APBA2: variants seen among roughly 807,000 people sequenced by gnomAD.
APBA2 encodes the protein amyloid-beta A4 precursor protein-binding family A member 2.
A neutral mutation model predicts 75.0 loss-of-function variants in APBA2; 30 were observed. That is an observed-to-expected ratio of 0.40 (90% CI 0.30 to 0.54). APBA2 has a LOEUF of 0.54. Among genes scored for constraint, APBA2 ranks in the 20% least tolerant of loss-of-function variants. APBA2 has a pLI of 0.49. For missense variants in APBA2, 801 were observed against 1,016.1 expected (o/e 0.79, Z 2.88); for synonymous variants, 444 against 409.6 (o/e 1.08, Z -1.01).
chr15:29,042,088 G>A (rs12438284), intron 3 of APBA2, among the ~76,000 whole-genome samples: 56,724 of 151,994 alleles, frequency 0.37, 17,821 homozygotes, highest in African/African-American at 0.83. Flanking sequence ...ATGCGTCTCC[G>A]TTTGCTTGTG....
At chr15:28,969,176 C>CTTTCTTTG (rs2036923239) in intron 2 of APBA2, among the ~76,000 whole-genome samples, 2 of 110,060 alleles carry the variant, frequency 1.8e-5, no homozygotes, top group Non-Finnish European at 3.4e-5. Context: ...TTCTTTCTTT[C>CTTTCTTTG]TTTCTTTTTT....
At chr15:28,936,074 G>GAA in intron 2 of APBA2, among the ~76,000 whole-genome samples, 1 of 152,186 alleles carries the variant, frequency 6.6e-6, no homozygotes, top group Non-Finnish European at 1.5e-5. Flanking sequence ...TTTCTCCTGA[G>GAA]AGGTTTTCCA....
rs1172326917 is a variant in APBA2 at position 29,117,487 on chromosome 15, C to T, written c.*354C>T. On this transcript the variant is annotated 3_prime_UTR_variant, in exon 15 of 15. Transcript: ENST00000683413. ...GCTGTGCGGAGCGAACTGGCGCCTC[C>T]GAGGGACGCGGCTCCCGGGGCAGGG... is the stretch of plus-strand genomic sequence containing the variant. The T allele has an allele frequency of 6.3e-5, 19 of 301,866 alleles. No homozygotes were observed. Among genetic ancestry groups the T allele is most frequent in the Middle Eastern group, 1.1e-3 (1 of 904 alleles). The allele number at this position is 301,866 out of a possible 1,614,324, so 18.7% of individuals were successfully genotyped here. A position where few individuals can be genotyped will look rare whatever the true frequency, so the allele number is the denominator to read the frequency against.
At chr15:29,002,310 G>T (rs1168923856) in intron 3 of APBA2, among the ~76,000 whole-genome samples, 1 of 152,204 alleles carries the variant, frequency 6.6e-6, no homozygotes, top group Non-Finnish European at 1.5e-5. Flanking sequence ...CATAGCAGGG[G>T]TCTCCTGTAT....
At chr15:29,102,080 T>C in intron 10 of APBA2, 2 of 537,852 alleles carry the variant, frequency 3.7e-6, no homozygotes, top group Non-Finnish European at 6.7e-6. Context: ...CTACTAAAAA[T>C]GAAGTTAATC....
intron 2 of APBA2, among the ~76,000 whole-genome samples, chr15:28,947,200 C>T (rs749302271): frequency 6.6e-6 from 1 of 152,158 alleles, no homozygotes; most frequent in Admixed American, 6.5e-5. Context: ...GAATGATAAA[C>T]GCTGGGCCCT....
rs1389135837 is a variant in APBA2 at position 28,916,337 on chromosome 15, G to A, written c.-204-5303G>A. 1.7e-3 allele frequency among the ~76,000 whole-genome samples: 255 copies of A among 152,300 alleles called. 5 individuals are homozygous for A. In the Middle Eastern group the frequency reaches 0.02, roughly 12 times the overall value. ...TGCAGTCTACCCTTCCCCACAGGTC[G>A]TTTTGTCTCAGTGCCGACATCTCCC... On this transcript the variant is annotated intron_variant, in intron 1 of 14. Coordinates refer to ENST00000683413, the MANE Select transcript of APBA2 (RefSeq NM_001353788.2).
intron 1 of APBA2, among the ~76,000 whole-genome samples, chr15:28,886,491 G>T (rs144561483): frequency 0.51 from 73,701 of 145,370 alleles, 19,118 homozygotes; most frequent in African/African-American, 0.64. Flanking sequence ...CTGACCGGCC[G>T]CTTCCCCCTC....
At chr15:28,989,558 T>G (rs1230673750) in intron 2 of APBA2, among the ~76,000 whole-genome samples, 2 of 152,194 alleles carry the variant, frequency 1.3e-5, no homozygotes, top group Non-Finnish European at 2.9e-5. Flanking sequence ...TCACTCTGGC[T>G]CCCGGTCTCC....
intron 1 of APBA2, among the ~76,000 whole-genome samples, chr15:28,913,720 G>T (rs1019340907): frequency 1.3e-5 from 2 of 152,216 alleles, no homozygotes; most frequent in Non-Finnish European, 2.9e-5. Flanking sequence ...GGGTCTCACC[G>T]TCTTTAGAAC....
chr15:29,002,125 A>G (rs1400371856), intron 3 of APBA2, among the ~76,000 whole-genome samples: 1 of 152,232 alleles, frequency 6.6e-6, no homozygotes, highest in East Asian at 1.9e-4. Flanking sequence ...AAGTCCTGCA[A>G]GAAAAGGAAC....
At chr15:28,910,294 G>A (rs951446537) in intron 1 of APBA2, among the ~76,000 whole-genome samples, 1 of 152,198 alleles carries the variant, frequency 6.6e-6, no homozygotes. Flanking sequence ...CAGGGTTGGA[G>A]GTTTCTGTCC....
At chr15:29,076,351 C>T (rs1034169580) in intron 6 of APBA2, among the ~76,000 whole-genome samples, 4 of 151,964 alleles carry the variant, frequency 2.6e-5, no homozygotes, top group South Asian at 2.1e-4. Context: ...GCATCACAGA[C>T]GACACTGATG....
Position 29,054,904 on chromosome 15 carries a change from C to T in APBA2, c.951+69C>T. 3 of 1,458,424 alleles carry T rather than the reference C, an allele frequency of 2.1e-6. No homozygotes were observed. The highest frequency in any genetic ancestry group is 1.2e-5 in the South Asian group (1 of 83,724). 90.3% of individuals were successfully genotyped at this position (1,458,424 alleles called of 1,614,324 possible). A position where few individuals can be genotyped will look rare whatever the true frequency, so the allele number is the denominator to read the frequency against. The stretch of plus-strand genomic sequence containing the variant: ...GAGCAAGGGACCTCAGGGTACAGGC[C>T]TTGCAGATGCTGAAGCGAGGCGGTG... On this transcript the variant is annotated intron_variant, in intron 4 of 14. Coordinates refer to ENST00000683413, the MANE Select transcript of APBA2 (RefSeq NM_001353788.2). This position sits in a 1 kb window ranked among gnomAD's most constrained non-coding sequence, Gnocchi z 6.1.
intron 2 of APBA2, among the ~76,000 whole-genome samples, chr15:28,962,144 T>C (rs1346739608): frequency 6.6e-6 from 1 of 152,182 alleles, no homozygotes; most frequent in African/African-American, 2.4e-5. Flanking sequence ...GCAATCATTA[T>C]CCTCATTGAG....
At position 28,940,964 on chromosome 15, in the gene APBA2, A is replaced by C. The variant is rs2035189277; in HGVS notation, c.-95+19215A>C. On this transcript the variant is annotated intron_variant, in intron 2 of 14. Coordinates refer to ENST00000683413, the MANE Select transcript of APBA2 (RefSeq NM_001353788.2). ...TCACCTGATGAGGCCAGAGATGGAC[A>C]ATTTGAACATCAGTAAGAGTAAAAA... is the stretch of plus-strand genomic sequence containing the variant. Among the ~76,000 whole-genome samples the C allele has an allele frequency of 2.0e-5, 3 of 152,244 alleles. No individual in the cohort carries two copies. In the South Asian group the frequency reaches 6.2e-4, roughly 32 times the overall value.
At position 29,117,400 on chromosome 15, in the gene APBA2, A is replaced by ACAAG. The variant is rs2045257561; in HGVS notation, c.*269_*272dup. 6 of 538,520 alleles carry ACAAG rather than the reference A, an allele frequency of 1.1e-5. No individual in the cohort carries two copies. The highest frequency in any genetic ancestry group is 4.2e-5 in the South Asian group (2 of 47,610). The allele number at this position is 538,520 out of a possible 1,614,324, so 33.4% of individuals were successfully genotyped here. Reference sequence around the variant, plus strand: ...ACGTTCTGGACTGTCTTCTCCCTGCACAAGCCAGGGTGTGTCTCGGTAGCT... The same window carrying ACAAG: ...ACGTTCTGGACTGTCTTCTCCCTGCACAAGCAAGCCAGGGTGTGTCTCGGTAGCT... On this transcript the variant is annotated 3_prime_UTR_variant, in exon 15 of 15. Transcript: ENST00000683413.
At chr15:28,934,392 G>C (rs1162481432) in intron 2 of APBA2, among the ~76,000 whole-genome samples, 1 of 152,160 alleles carries the variant, frequency 6.6e-6, no homozygotes, top group Admixed American at 6.5e-5. Flanking sequence ...AGCTGTCCTT[G>C]TGTGGTCTGT....
intron 1 of APBA2, chr15:28,895,671 G>C (rs530054625): frequency 3.3e-5 from 5 of 152,594 alleles, no homozygotes; most frequent in Admixed American, 3.3e-4. Context: ...ATGGCATGGG[G>C]GTGGGGGGCA....
Sources: gnomAD v4.1 joint callset for allele counts (sites outside exome capture counted in the v4.1 genomes callset) on GRCh38, gnomAD v4.1.1 for gene constraint, Gnocchi (gnomAD v3.1) non-coding constraint, MANE v1.5 for transcripts, NCBI Gene and HGNC (gene_info 2026-07-23, HGNC 2026-07-21) for gene names.